Variants in IL1RAPL2 observed in about 807,000 individuals in gnomAD.
IL1RAPL2 encodes interleukin 1 receptor accessory protein like 2, also known as X-linked interleukin-1 receptor accessory protein-like 2.
In IL1RAPL2, 3 loss-of-function variants were observed where a neutral mutation model predicts 44.1. That is an observed-to-expected ratio of 0.07 (90% CI 0.03 to 0.18). The LOEUF (loss-of-function observed/expected upper bound fraction) is 0.18, where lower values mean the gene tolerates loss of function less well. Ranked by LOEUF, IL1RAPL2 falls within the 10% of genes least tolerant of loss-of-function variation. The probability of loss-of-function intolerance (pLI) is 1.00; values close to 1 mark genes in which losing one functional copy is unlikely to be tolerated. For synonymous variants in IL1RAPL2, 181 were observed against 178.8 expected, an observed-to-expected ratio of 1.01 and a Z score of -0.10; for missense variants, 391 against 496.4, an observed-to-expected ratio of 0.79 and a Z score of 2.02.
intron 2 of IL1RAPL2, among the ~76,000 whole-genome samples, chrX:104,750,708 G>T (rs1932243252): frequency 9.0e-6 from 1 of 110,883 alleles, no homozygotes; most frequent in Admixed American, 9.6e-5. Context: ...AACTTCAGAT[G>T]GATATAGTTG....
At chrX:105,711,227 G>A (rs774087914) in intron 6 of IL1RAPL2, among the ~76,000 whole-genome samples, 1 of 109,799 alleles carries the variant, frequency 9.1e-6, no homozygotes, top group East Asian at 2.9e-4. Flanking sequence ...GGACAATATA[G>A]AAAAAGATTT....
intron 6 of IL1RAPL2, among the ~76,000 whole-genome samples, chrX:105,635,717 G>C (rs1324519316): frequency 8.9e-6 from 1 of 111,838 alleles, no homozygotes; most frequent in East Asian, 2.8e-4. Flanking sequence ...CTCATAGCTA[G>C]TTAAGAGGCA....
chrX:105,427,930 C>T (rs907209115), intron 5 of IL1RAPL2, among the ~76,000 whole-genome samples: 1 of 110,411 alleles, frequency 9.1e-6, no homozygotes, highest in Non-Finnish European at 1.9e-5. Context: ...TGAAATATTC[C>T]GAAAAGGATT....
chrX:104,842,765 C>G (rs372952668), intron 2 of IL1RAPL2, among the ~76,000 whole-genome samples: 1 of 112,675 alleles, frequency 8.9e-6, no homozygotes, highest in Admixed American at 9.3e-5. Flanking sequence ...CCCCTGGAAG[C>G]TCCCTCCCAG....
rs184748095 is a variant in IL1RAPL2 at position 104,765,219 on chromosome X, T to C, written c.82+106224T>C. The stretch of plus-strand genomic sequence containing the variant: ...TTTTGTTTTTTACTGGGAGACTTTT[T>C]ATTATGGATTCAATCTTGTTACTTG... On this transcript the variant is annotated intron_variant, in intron 2 of 10. Coordinates refer to ENST00000372582, the MANE Select transcript of IL1RAPL2 (RefSeq NM_017416.2). Among the ~76,000 whole-genome samples the C allele has an allele frequency of 4.3e-3, 483 of 111,665 alleles. 1 individual carries two copies. The highest frequency in any genetic ancestry group is 0.015 in the African/African-American group (455 of 30,799).
At chrX:104,642,019 G>A (rs1480686491) in intron 1 of IL1RAPL2, among the ~76,000 whole-genome samples, 3 of 111,393 alleles carry the variant, frequency 2.7e-5, no homozygotes, top group Non-Finnish European at 5.7e-5. Flanking sequence ...TTGGCAGGGG[G>A]TCAAGGGGTT....
intron 2 of IL1RAPL2, among the ~76,000 whole-genome samples, chrX:105,190,129 C>T (rs2033621265): frequency 9.0e-6 from 1 of 111,343 alleles, no homozygotes; most frequent in African/African-American, 3.3e-5. Flanking sequence ...TTGTGCAAAA[C>T]ACCTAGCACA....
chrX:104,764,551 C>T (rs1285740977), intron 2 of IL1RAPL2, among the ~76,000 whole-genome samples: 6 of 111,667 alleles, frequency 5.4e-5, no homozygotes, highest in Non-Finnish European at 1.1e-4. Context: ...TTTATATCTT[C>T]CTCTTGTCTG....
chrX:104,577,109 C>T (rs888592105), intron 1 of IL1RAPL2, among the ~76,000 whole-genome samples: 23 of 111,820 alleles, frequency 2.1e-4, no homozygotes, highest in African/African-American at 5.5e-4. Context: ...CCTCCCCTTC[C>T]GTTCCCATAC....
intron 2 of IL1RAPL2, among the ~76,000 whole-genome samples, chrX:104,942,112 A>G (rs1473292730): frequency 4.5e-5 from 5 of 111,689 alleles, no homozygotes; most frequent in African/African-American, 1.6e-4. Flanking sequence ...GCCTTGTAGT[A>G]TAGTTTGAAG....
chrX:104,803,263 A>T (rs1423426538), intron 2 of IL1RAPL2, among the ~76,000 whole-genome samples: 2 of 111,739 alleles, frequency 1.8e-5, no homozygotes, highest in Non-Finnish European at 3.8e-5. Context: ...CCCTGTGAAC[A>T]ATGTATTAAT....
chrX:105,261,478 TTTTGTTTG>T lies in IL1RAPL2; in HGVS notation c.544-5886_544-5879del, dbSNP rs369041202. On this transcript the variant is annotated intron_variant, in intron 4 of 10. Coordinates refer to ENST00000372582, the MANE Select transcript of IL1RAPL2 (RefSeq NM_017416.2). ...TGCTTGCTCTCTCTTCAGGCTGTTT[TTTTGTTTG>T]TTTGTTTGTTTGTTTGTTTGTTTTG... is the stretch of plus-strand genomic sequence containing the variant. 6.9e-3 allele frequency among the ~76,000 whole-genome samples: 765 copies of T among 110,559 alleles called. 6 individuals are homozygous for T. The highest frequency in any genetic ancestry group is 0.023 in the African/African-American group (670 of 29,563).
chrX:105,766,582 ACT>A (rs939526649), intron 10 of IL1RAPL2, among the ~76,000 whole-genome samples: 7 of 110,710 alleles, frequency 6.3e-5, no homozygotes, highest in Admixed American at 5.8e-4. Context: ...AAATACAGTA[ACT>A]CTGCATTTAT....
At chrX:105,036,542 CTAAAA>C (rs60965821) in intron 2 of IL1RAPL2, among the ~76,000 whole-genome samples, 12 of 111,205 alleles carry the variant, frequency 1.1e-4, no homozygotes, top group African/African-American at 4.0e-4. Flanking sequence ...GGACCATTTA[CTAAAA>C]TAAAATAAAA....
At chrX:105,364,024 T>G (rs1403787254) in intron 5 of IL1RAPL2, among the ~76,000 whole-genome samples, 1 of 111,512 alleles carries the variant, frequency 9.0e-6, no homozygotes, top group Non-Finnish European at 1.9e-5. Context: ...CTTTTCCCTG[T>G]GTTTTCTTAT....
intron 7 of IL1RAPL2, among the ~76,000 whole-genome samples, chrX:105,733,268 T>G (rs1292523936): frequency 9.0e-6 from 1 of 111,553 alleles, no homozygotes; most frequent in Admixed American, 9.6e-5. Context: ...GTGTGGTGGG[T>G]ATTTCTTTTT....
intron 2 of IL1RAPL2, among the ~76,000 whole-genome samples, chrX:104,719,863 T>A (rs1277892240): frequency 1.8e-5 from 2 of 111,522 alleles, no homozygotes; most frequent in Non-Finnish European, 3.8e-5. Context: ...AGACACCGCA[T>A]AATGTCCCTG....
At chrX:105,567,889 A>G (rs1347283892) in intron 6 of IL1RAPL2, among the ~76,000 whole-genome samples, 1 of 111,198 alleles carries the variant, frequency 9.0e-6, no homozygotes, top group East Asian at 2.8e-4. Flanking sequence ...AGTTTTCTTC[A>G]AAGGAATATA....
chrX:104,908,597 A>G (rs1376981763), intron 2 of IL1RAPL2, among the ~76,000 whole-genome samples: 12 of 111,546 alleles, frequency 1.1e-4, no homozygotes, highest in Non-Finnish European at 1.9e-4. Flanking sequence ...TTCTGGGTTG[A>G]AAATTCTTTT....
Sources: allele counts gnomAD v4.1 joint callset (sites outside exome capture counted in the v4.1 genomes callset), GRCh38; gene constraint gnomAD v4.1.1; transcripts MANE v1.5; gene names NCBI Gene and HGNC (gene_info 2026-07-23, HGNC 2026-07-21).